Variants in PCLO observed in about 807,000 individuals in gnomAD.
PCLO encodes piccolo presynaptic cytomatrix protein.
Under a neutral mutation model 427.5 loss-of-function variants are expected in PCLO, and 82 were observed. The observed-to-expected ratio is 0.19, with a 90% CI of 0.16 to 0.23. PCLO has a LOEUF of 0.23. PCLO is among the 10% of genes least tolerant of loss of function. The pLI is 1.00. For synonymous variants in PCLO, 2,357 were observed against 2,155.4 expected, an observed-to-expected ratio of 1.09 and a Z score of -2.59; for missense variants, 6,239 against 6,115.9, an observed-to-expected ratio of 1.02 and a Z score of -0.67.
At chr7:82,800,807 G>A (rs530226048) in intron 22 of PCLO, among the ~76,000 whole-genome samples, 36 of 151,760 alleles carry the variant, frequency 2.4e-4, no homozygotes, top group Non-Finnish European at 4.6e-4. Context: ...TGTTGGTCTC[G>A]AACTCCTGAC....
chr7:83,139,357 T>C (rs1000689509), intron 2 of PCLO, among the ~76,000 whole-genome samples: 1 of 152,198 alleles, frequency 6.6e-6, no homozygotes, highest in Non-Finnish European at 1.5e-5. Context: ...TTAGTAAAAT[T>C]CTAAGTTTCT....
At chr7:83,114,603 T>C (rs1435492581) in intron 3 of PCLO, among the ~76,000 whole-genome samples, 1 of 152,068 alleles carries the variant, frequency 6.6e-6, no homozygotes, top group African/African-American at 2.4e-5. Flanking sequence ...ATGTTTTTAG[T>C]GTAGCACCTT....
intron 9 of PCLO, among the ~76,000 whole-genome samples, chr7:82,890,666 C>A (rs549669564): frequency 6.6e-6 from 1 of 151,590 alleles, no homozygotes; most frequent in Non-Finnish European, 1.5e-5. Flanking sequence ...AAAACTAATC[C>A]GCTAATCACA....
In PCLO at chr7:82,955,205, C is replaced by A. The variant is rs765223324; in HGVS notation, c.5748G>T (p.Glu1916Asp). The stretch of plus-strand genomic sequence containing the variant: ...TTTTATGCATCATTTCTTCATACAT[C>A]TCCTCAGCACTTTTTAACGCCTTTT... ...GSQKALKSAEEMYEEMMHKTH... is the reference protein window; with the variant it reads ...GSQKALKSAEDMYEEMMHKTH... The change falls in exon 5 of 25, where the codon GAG becomes GAT. Residue 1916 changes from glutamate (E) to aspartate (D), a missense_variant. By Grantham distance (45) the Glu-to-Asp change is conservative (BLOSUM62 2). Transcript: ENST00000333891. 14 of 1,613,680 alleles carry A rather than the reference C, an allele frequency of 8.7e-6. No homozygotes were observed. The highest frequency in any genetic ancestry group is 4.5e-5 in the East Asian group (2 of 44,868).
chr7:83,089,330 A>C (rs889696820), intron 3 of PCLO, among the ~76,000 whole-genome samples: 15 of 152,078 alleles, frequency 9.9e-5, no homozygotes, highest in Admixed American at 6.6e-5. Flanking sequence ...CACCAGATTT[A>C]TCTCTCTCTA....
chr7:82,834,154 CTTTTA>C (rs1245754821), intron 16 of PCLO, among the ~76,000 whole-genome samples: 1 of 152,056 alleles, frequency 6.6e-6, no homozygotes, highest in African/African-American at 2.4e-5. Context: ...AATATTCTCT[CTTTTA>C]TAAGTTAAAT....
chr7:83,042,291 AAAAAC>A (rs1289056856), intron 3 of PCLO, among the ~76,000 whole-genome samples: 1 of 152,168 alleles, frequency 6.6e-6, no homozygotes, highest in Admixed American at 6.5e-5. Context: ...CTCTGCATTG[AAAAAC>A]AAAACATGAA....
At chr7:82,860,717 T>C (rs1186508944) in intron 10 of PCLO, among the ~76,000 whole-genome samples, 1 of 152,072 alleles carries the variant, frequency 6.6e-6, no homozygotes, top group East Asian at 1.9e-4. Context: ...GGTAGAAGAT[T>C]AAATGATGAA....
chr7:82,791,163 G>A (rs1791092780), intron 22 of PCLO, among the ~76,000 whole-genome samples: 1 of 152,142 alleles, frequency 6.6e-6, no homozygotes, highest in African/African-American at 2.4e-5. Flanking sequence ...CTAGCCAAAT[G>A]CTTGGCAAAT....
At chr7:82,949,078 A>G (rs1195661505) in intron 6 of PCLO, among the ~76,000 whole-genome samples, 1 of 152,194 alleles carries the variant, frequency 6.6e-6, no homozygotes, top group African/African-American at 2.4e-5. Flanking sequence ...AATGTTTCCT[A>G]TCATGCCTGA....
chr7:82,922,821 A>G (rs1794628845), intron 6 of PCLO, among the ~76,000 whole-genome samples: 1 of 152,070 alleles, frequency 6.6e-6, no homozygotes, highest in Non-Finnish European at 1.5e-5. Flanking sequence ...CTTCTAAACC[A>G]TTCTGAAACC....
chr7:82,873,362 C>G (rs568865502), intron 10 of PCLO, among the ~76,000 whole-genome samples: 1 of 152,028 alleles, frequency 6.6e-6, no homozygotes, highest in Non-Finnish European at 1.5e-5. Context: ...AGGTGATGCA[C>G]TGGGCATCTT....
At position 83,006,950 on chromosome 7, in the gene PCLO, A is replaced by G. The variant is rs899975401; in HGVS notation, c.3301-40463T>C. Among the ~76,000 whole-genome samples, 13 of 151,572 alleles carry G rather than the reference A, an allele frequency of 8.6e-5. No individual in the cohort carries two copies. In the East Asian group the frequency reaches 2.5e-3, roughly 29 times the overall value. ...TTACCTTTTCCTTACCATTTGCCAC[A>G]TTATAGCATGCTATATTTTATGTAT... is the stretch of plus-strand genomic sequence containing the variant. On this transcript the variant is annotated intron_variant, in intron 3 of 24. Transcript: ENST00000333891.
Position 82,824,416 on chromosome 7 carries a change from C to T in PCLO, c.14416G>A (p.Val4806Ile), listed in dbSNP as rs771566148. 6.4e-7 allele frequency: 1 copy of T among 1,562,046 alleles called. No homozygotes were observed. Among genetic ancestry groups the T allele is most frequent in the Non-Finnish European group, 8.7e-7 (1 of 1,150,258 alleles). The change falls in exon 19 of 25, where the codon GTA (valine) becomes ATA (isoleucine). Residue 4806 changes from valine (V) to isoleucine (I), a missense_variant and splice_region_variant. Val to Ile is a conservative substitution (Grantham distance 29). Around this residue, in one of 5 missense-constraint regions of PCLO, gnomAD observed 877 missense variants for 925.5 expected, o/e 0.95. Coordinates refer to ENST00000333891, the MANE Select transcript of PCLO (RefSeq NM_033026.6). ...RFSSNDFLGEVLIDLSSTSHL... is the reference protein window; with the variant it reads ...RFSSNDFLGEILIDLSSTSHL... ...GATGTGCTAGATAAATCAATCAATACCTGAAAAAAAGTGTAACAAATAAAT... is the reference window on the plus strand; with the variant it reads ...GATGTGCTAGATAAATCAATCAATATCTGAAAAAAAGTGTAACAAATAAAT...
intron 3 of PCLO, among the ~76,000 whole-genome samples, chr7:82,988,332 T>A (rs931170061): frequency 6.6e-6 from 1 of 152,082 alleles, no homozygotes; most frequent in African/African-American, 2.4e-5. Context: ...ACCCAGCTGA[T>A]ATTTTAAAGA....
rs138354320 is a variant in PCLO at position 82,761,097 on chromosome 7, C to T, written c.15142+262G>A. ...TACATAGAGGGACTACAGGCAGGAG[C>T]GACCACACCTAACTGATATATCTAT... On this transcript the variant is annotated intron_variant, in intron 23 of 24. Coordinates refer to ENST00000333891, the MANE Select transcript of PCLO (RefSeq NM_033026.6). 6.1e-4 allele frequency among the ~76,000 whole-genome samples: 92 copies of T among 151,152 alleles called. 1 individual carries two copies. In the East Asian group the frequency reaches 0.017, roughly 28 times the overall value.
chr7:82,821,695 T>C (rs1791796217), intron 20 of PCLO: 5 of 980,680 alleles, frequency 5.1e-6, no homozygotes, highest in Non-Finnish European at 6.1e-6. Context: ...CCAGACATAG[T>C]ATATCTTGAT....
rs1254417031 is a variant in PCLO, at chr7:82,994,623, A to ATATG, written c.3301-28137_3301-28136insCATA. 2.9e-4 allele frequency among the ~76,000 whole-genome samples: 44 copies of ATATG among 151,350 alleles called. No individual in the cohort carries two copies. The Admixed American group carries it at 2.9e-3, about 10-fold the overall frequency. On this transcript the variant is annotated intron_variant, in intron 3 of 24. Coordinates refer to ENST00000333891, the MANE Select transcript of PCLO (RefSeq NM_033026.6). ...TTTTGGGGGTTCATAGTAGGTATAT[A>ATATG]TATATATTTATGGGGTATATGAGAT...
chr7:83,105,739 A>T (rs1290111962), intron 3 of PCLO, among the ~76,000 whole-genome samples: 2 of 152,198 alleles, frequency 1.3e-5, no homozygotes, highest in Non-Finnish European at 2.9e-5. Context: ...TTTGACTAGG[A>T]GTACTATGAA....
Sources: allele counts gnomAD v4.1 joint callset (sites outside exome capture counted in the v4.1 genomes callset), GRCh38; gene constraint gnomAD v4.1.1; regional missense constraint gnomAD v4.1.1; transcripts MANE v1.5; gene names NCBI Gene and HGNC (gene_info 2026-07-23, HGNC 2026-07-21).